GPR155: variants seen among roughly 807,000 people sequenced by gnomAD.
The protein encoded by GPR155 is lysosomal cholesterol signaling protein.
A neutral mutation model predicts 93.1 loss-of-function variants in GPR155; 65 were observed. The ratio of observed to expected loss-of-function variants is 0.70; its 90% CI spans 0.57 to 0.86. The LOEUF is 0.86. GPR155 is among the 40% of genes least tolerant of loss of function. GPR155 has a pLI of 0.00. For synonymous variants in GPR155, 319 were observed against 360.1 expected (o/e 0.89, Z 1.29); for missense variants, 838 against 1,034.8 (o/e 0.81, Z 2.61).
chr2:174,440,004 C>A lies in GPR155; in HGVS notation c.2206G>T (p.Ala736Ser). 1 of 1,611,364 alleles carries A rather than the reference C, an allele frequency of 6.2e-7. No homozygotes were observed. Among genetic ancestry groups the A allele is most frequent in the Non-Finnish European group, 8.5e-7 (1 of 1,178,270 alleles). Residue 736 changes from alanine (A) to serine (S), a missense_variant, in exon 15 of 16, where the codon GCA (alanine) becomes TCA (serine). By Grantham distance (99) the Ala-to-Ser change is moderately conservative. This residue lies in a region of GPR155 where 146 missense variants were observed against 177.5 expected (regional missense o/e 0.82). Coordinates refer to ENST00000392552, the MANE Select transcript of GPR155 (RefSeq NM_152529.7). ...LEFLWNNKDT[A>S]ENRDSPVSEE... ...GAAACAGGAGAATCCCTGTTTTCTGCTGTGTCTTTATTGTTCCATAGGAAT... is the reference window on the plus strand; with the variant it reads ...GAAACAGGAGAATCCCTGTTTTCTGATGTGTCTTTATTGTTCCATAGGAAT...
intron 1 of GPR155, among the ~76,000 whole-genome samples, chr2:174,486,372 G>A (rs1313244345): frequency 2.0e-5 from 3 of 152,248 alleles, no homozygotes; most frequent in Non-Finnish European, 4.4e-5. Flanking sequence ...AAGTGGAAAG[G>A]CAGCCAGGGG....
chr2:174,463,442 C>A (rs937555660), intron 7 of GPR155, among the ~76,000 whole-genome samples: 19 of 152,208 alleles, frequency 1.2e-4, no homozygotes, highest in Admixed American at 6.5e-4. Context: ...CTCAAGCGAT[C>A]CTCCTGCCTG....
chr2:174,459,781 G>A (rs1255443000), intron 10 of GPR155, 97 bp downstream of exon 10: 5 of 818,498 alleles, frequency 6.1e-6, no homozygotes, highest in Non-Finnish European at 9.7e-6. Context: ...GGAGGCGGAG[G>A]TTGCAGTGAG....
chr2:174,456,977 A>G (rs374731695), intron 10 of GPR155, among the ~76,000 whole-genome samples: 1 of 152,224 alleles, frequency 6.6e-6, no homozygotes, highest in South Asian at 2.1e-4. Flanking sequence ...AAAGATTCTA[A>G]CAAACATTCT....
intron 11 of GPR155, among the ~76,000 whole-genome samples, chr2:174,449,349 A>G (rs1227170098): frequency 6.6e-6 from 1 of 152,226 alleles, no homozygotes; most frequent in African/African-American, 2.4e-5. Context: ...GAACAGGACT[A>G]CCATATGACC....
chr2:174,455,424 C>T (rs962660698), intron 10 of GPR155, among the ~76,000 whole-genome samples: 1 of 152,120 alleles, frequency 6.6e-6, no homozygotes, highest in African/African-American at 2.4e-5. Flanking sequence ...CTACGTGCAG[C>T]GCTTTGGGCA....
At chr2:174,465,737 G>C in intron 7 of GPR155, 48 bp downstream of exon 7, 1 of 885,738 alleles carries the variant, frequency 1.1e-6, no homozygotes, top group South Asian at 1.4e-5. Context: ...ATTAGGAATG[G>C]GGTGGGGTGG....
intron 4 of GPR155, 80 bp from the exon 5 acceptor site, chr2:174,469,147 A>T: frequency 8.4e-7 from 1 of 1,191,850 alleles, no homozygotes; most frequent in South Asian, 1.4e-5. Context: ...CGGCACACTA[A>T]AGCATTCTAA....
intron 10 of GPR155, 42 bp from the exon 11 acceptor site, chr2:174,453,883 A>G (rs1215168334): frequency 7.8e-7 from 1 of 1,286,510 alleles, no homozygotes; most frequent in South Asian, 1.2e-5. Flanking sequence ...GCCCAACCAC[A>G]ACAGAAATGG....
chr2:174,438,564 G>A (rs1305453468), intron 15 of GPR155, among the ~76,000 whole-genome samples: 2 of 151,984 alleles, frequency 1.3e-5, no homozygotes, highest in Admixed American at 1.3e-4. Context: ...CCAGAGTGCA[G>A]TGGCGTGATC....
rs1686654991 is a variant in GPR155, at chr2:174,431,956, C to T, written c.*4160G>A. On this transcript the variant is annotated 3_prime_UTR_variant, in exon 16 of 16. Transcript: ENST00000392552. ...AGAGTTAAGAAAACAATTGACTATG[C>T]TGAAGAAAAAGAGATAGGTTTTAAT... 6.6e-6 allele frequency: 1 copy of T among 152,092 alleles called. No homozygotes were observed. Among genetic ancestry groups the T allele is most frequent in the South Asian group, 2.1e-4 (1 of 4,826 alleles). The allele number at this position is 152,092 out of a possible 1,614,324, so 9.4% of individuals were successfully genotyped here.
chr2:174,467,804 C>T (rs1260782942), intron 5 of GPR155, among the ~76,000 whole-genome samples: 3 of 151,588 alleles, frequency 2.0e-5, no homozygotes, highest in African/African-American at 4.8e-5. Context: ...GGTGCGATCT[C>T]GGCTCACTGA....
chr2:174,474,881 G>A (rs1688100415), intron 2 of GPR155, among the ~76,000 whole-genome samples: 1 of 152,038 alleles, frequency 6.6e-6, no homozygotes. Flanking sequence ...AATGGGTCCC[G>A]AAATTATACA....
chr2:174,486,643 G>A (rs981846231), intron 1 of GPR155, among the ~76,000 whole-genome samples: 1 of 152,168 alleles, frequency 6.6e-6, no homozygotes, highest in Non-Finnish European at 1.5e-5. Context: ...TCTCCGGAGG[G>A]GACGAGACAC....
At chr2:174,456,162 G>A (rs1559106779) in intron 10 of GPR155, among the ~76,000 whole-genome samples, 2 of 152,014 alleles carry the variant, frequency 1.3e-5, no homozygotes, top group Non-Finnish European at 2.9e-5. Flanking sequence ...TAATATATGT[G>A]TAGACAGCAG....
At position 174,460,071 on chromosome 2, in the gene GPR155, G is replaced by T; in HGVS notation, c.1578C>A (p.Val526=). 1.2e-6 allele frequency: 2 copies of T among 1,612,272 alleles called. No individual in the cohort carries two copies. The highest frequency in any genetic ancestry group is 1.7e-6 in the Non-Finnish European group (2 of 1,179,514). ...CTATCAGGATGCTGCAGAACAGGGT[G>T]ACTGCTGTGGTGATCATCTGCCGAC... ...YGKEQMITTA[V]TLFCSILIAG... The change falls in exon 10 of 16, where the codon GTC becomes GTA. Residue 526 remains valine (V), a synonymous_variant. Transcript: ENST00000392552.
At chr2:174,460,703 T>C (rs1439551116) in intron 9 of GPR155, among the ~76,000 whole-genome samples, 1 of 152,220 alleles carries the variant, frequency 6.6e-6, no homozygotes, top group African/African-American at 2.4e-5. Flanking sequence ...TTTTCTTTAC[T>C]CCTGTTTCTG....
intron 10 of GPR155, 38 bp downstream of exon 10, chr2:174,459,836 TTCTG>T (rs1687630312): frequency 6.9e-7 from 1 of 1,440,000 alleles, no homozygotes; most frequent in African/African-American, 1.4e-5. Flanking sequence ...TAGAGCAAGA[TTCTG>T]TCTCAAATAA....
At chr2:174,453,196 A>G (rs577051907) in intron 11 of GPR155, among the ~76,000 whole-genome samples, 1 of 152,344 alleles carries the variant, frequency 6.6e-6, no homozygotes, top group Non-Finnish European at 1.5e-5. Flanking sequence ...AAATGTGTGT[A>G]TGACACTACC....
Sources: gnomAD v4.1 joint callset for allele counts (sites outside exome capture counted in the v4.1 genomes callset) on GRCh38, gnomAD v4.1.1 for gene constraint, gnomAD v4.1.1 regional missense constraint, MANE v1.5 for transcripts, NCBI Gene and HGNC (gene_info 2026-07-23, HGNC 2026-07-21) for gene names.